The following SETD2 variants were observed in gnomAD, a reference collection of about 807,000 sequenced individuals.
SETD2 encodes the protein SET domain containing 2, histone lysine methyltransferase, also known as histone-lysine N-methyltransferase SETD2.
Under a neutral mutation model 242.1 loss-of-function variants are expected in SETD2, and 31 were observed. The ratio of observed to expected loss-of-function variants is 0.13; its 90% CI spans 0.10 to 0.17. The LOEUF (loss-of-function observed/expected upper bound fraction) is 0.17, where lower values mean the gene tolerates loss of function less well. Among genes scored for constraint, SETD2 ranks in the 10% least tolerant of loss-of-function variants. The pLI is 1.00. For synonymous variants in SETD2, 1,006 were observed against 1,066.5 expected, an observed-to-expected ratio of 0.94 and a Z score of 1.11; for missense variants, 2,481 against 3,046.3, an observed-to-expected ratio of 0.81 and a Z score of 4.37.
intron 1 of SETD2, among the ~76,000 whole-genome samples, chr3:47,159,059 C>A (rs1697404719): frequency 6.6e-6 from 1 of 152,018 alleles, no homozygotes; most frequent in South Asian, 2.1e-4. Context: ...GGGAGAATGG[C>A]TTGAGCCCAG....
Position 47,084,102 on chromosome 3 carries a change from A to T in SETD2, c.5678T>A (p.Ile1893Asn), listed in dbSNP as rs1322385881. 2.5e-6 allele frequency: 4 copies of T among 1,614,162 alleles called. No individual in the cohort carries two copies. Among genetic ancestry groups the T allele is most frequent in the Non-Finnish European group, 3.4e-6 (4 of 1,180,030 alleles). The change falls in exon 12 of 21, where the codon ATC (isoleucine) becomes AAC (asparagine). Residue 1893 changes from isoleucine (I) to asparagine (N), a missense_variant. Ile to Asn is a moderately radical substitution (Grantham distance 149, BLOSUM62 -3). Around this residue, in one of 17 missense-constraint regions of SETD2, gnomAD observed 203 missense variants for 222.4 expected, o/e 0.91. Transcript: ENST00000409792. ...IISENSMDSA[I>N]SDATSELEGK... ...TTCTAGCTCACTGGTTGCATCAGAG[A>T]TTGCACTGTCCATGCTATTTTCACT... is the stretch of plus-strand genomic sequence containing the variant.
At chr3:47,067,152 T>C (rs1178554855) in intron 12 of SETD2, 34 bp from the exon 13 acceptor site, 1 of 1,535,012 alleles carries the variant, frequency 6.5e-7, no homozygotes, top group Non-Finnish European at 9.0e-7. Flanking sequence ...GGGTTATTAG[T>C]GAGGGTGGAA....
Position 47,017,413 on chromosome 3 carries a change from G to C in SETD2, c.7534-159C>G, listed in dbSNP as rs1450870562. On this transcript the variant is annotated intron_variant, in intron 20 of 20. Coordinates refer to ENST00000409792, the MANE Select transcript of SETD2 (RefSeq NM_014159.7). The surrounding 1 kb of genome is among the most constrained non-coding windows in gnomAD (Gnocchi z 4.8). ...AGATGTTGGGGCAGGCTGGTGCTAT[G>C]ATCACCAGAAAGGACAAGCTGAGCT... 6.6e-6 allele frequency among the ~76,000 whole-genome samples: 1 copy of C among 152,006 alleles called. No homozygotes were observed. The highest frequency in any genetic ancestry group is 1.5e-5 in the Non-Finnish European group (1 of 68,014).
Position 47,116,476 on chromosome 3 carries a change from T to C in SETD2, c.4586+147A>G, listed in dbSNP as rs924006898. 8 of 659,650 alleles carry C rather than the reference T, an allele frequency of 1.2e-5. No individual in the cohort carries two copies. The African/African-American group carries it at 1.5e-4, about 12-fold the overall frequency. 40.9% of individuals were successfully genotyped at this position (659,650 alleles called of 1,614,324 possible). On this transcript the variant is annotated intron_variant, in intron 4 of 20. Transcript: ENST00000409792. ...GTTTCCCTATTAATATGTTTTCTACTATACATCAAAGTGTCTACTATACTT... is the reference window on the plus strand; with the variant it reads ...GTTTCCCTATTAATATGTTTTCTACCATACATCAAAGTGTCTACTATACTT...
rs372610050 is a variant in SETD2, at chr3:47,083,874, T to C, written c.5906A>G (p.Lys1969Arg). Residue 1969 changes from lysine to arginine, a missense_variant, in exon 12 of 21, where the codon AAA (lysine) becomes AGA (arginine). Lys to Arg is a conservative substitution (Grantham distance 26). Coordinates refer to ENST00000409792, the MANE Select transcript of SETD2 (RefSeq NM_014159.7). ...EIEPKESNGT[K>R]LEEPINEETP... ...TTCTTCATTAATAGGTTCTTCTAGTTTTGTGCCGTTGCTCTCTTTGGGCTC... is the reference window on the plus strand; with the variant it reads ...TTCTTCATTAATAGGTTCTTCTAGTCTTGTGCCGTTGCTCTCTTTGGGCTC... 1.6e-5 allele frequency: 26 copies of C among 1,614,174 alleles called. No individual in the cohort carries two copies. Among genetic ancestry groups the C allele is most frequent in the Non-Finnish European group, 2.2e-5 (26 of 1,180,016 alleles).
intron 12 of SETD2, among the ~76,000 whole-genome samples, chr3:47,080,382 T>C (rs546827151): frequency 6.6e-6 from 1 of 152,216 alleles, no homozygotes; most frequent in East Asian, 1.9e-4. Context: ...TAAGTGTTTA[T>C]AAGAGAGGCT....
intron 18 of SETD2, among the ~76,000 whole-genome samples, chr3:47,027,800 GT>G (rs1222270721): frequency 1.3e-4 from 19 of 143,316 alleles, no homozygotes; most frequent in East Asian, 2.0e-4. Flanking sequence ...TTTTGTTTTT[GT>G]TTTTTTTTTT....
intron 18 of SETD2, among the ~76,000 whole-genome samples, chr3:47,027,336 C>CAAAAAAAAAA (rs145911577): frequency 4.8e-5 from 5 of 103,756 alleles, no homozygotes; most frequent in Non-Finnish European, 5.2e-5. Context: ...GACTCCATCT[C>CAAAAAAAAAA]AAAAAAAAAA....
intron 14 of SETD2, among the ~76,000 whole-genome samples, 193 bp downstream of exon 14, chr3:47,061,970 T>C (rs143851021): frequency 2.0e-5 from 3 of 152,300 alleles, no homozygotes; most frequent in African/African-American, 7.2e-5. Flanking sequence ...AACCTATTAA[T>C]CTTCACAGCT....
chr3:47,134,306 A>G (rs970242412), intron 1 of SETD2, among the ~76,000 whole-genome samples: 3 of 152,244 alleles, frequency 2.0e-5, no homozygotes, highest in African/African-American at 7.2e-5. Context: ...ACATTTATAC[A>G]TTTAAGCACC....
chr3:47,119,308 T>A (rs1016040490), intron 3 of SETD2: 1 of 152,318 alleles, frequency 6.6e-6, no homozygotes, highest in African/African-American at 2.4e-5. Flanking sequence ...ATAATTTGTT[T>A]CATGTTAGGG....
intron 12 of SETD2, among the ~76,000 whole-genome samples, chr3:47,075,004 G>T (rs1239495639): frequency 1.3e-5 from 2 of 151,966 alleles, no homozygotes; most frequent in East Asian, 3.9e-4. Flanking sequence ...CGTGGTGGCA[G>T]GTGCCTGTAG....
chr3:47,037,234 CTCG>C (rs1235323627), intron 18 of SETD2, among the ~76,000 whole-genome samples: 5 of 149,382 alleles, frequency 3.3e-5, no homozygotes, highest in Non-Finnish European at 5.9e-5. Flanking sequence ...CACCCATTAA[CTCG>C]TCATTTAGCA....
intron 19 of SETD2, 116 bp downstream of exon 19, chr3:47,019,641 ACAC>A: frequency 1.2e-6 from 1 of 823,332 alleles, no homozygotes; most frequent in Admixed American, 2.1e-5. Context: ...CACACAAGGA[ACAC>A]CTTGTGTTCC....
In SETD2 at chr3:47,056,826, C is replaced by A. The variant is rs2040102150; in HGVS notation, c.6958G>T (p.Val2320Leu). The change falls in exon 15 of 21, where the codon GTA becomes TTA. Residue 2320 changes from valine to leucine, a missense_variant. By Grantham distance (32) the Val-to-Leu change is conservative (BLOSUM62 1). Coordinates refer to ENST00000409792, the MANE Select transcript of SETD2 (RefSeq NM_014159.7). ...AAAGTTTCAGAATTAGTTACCTGTA[C>A]AATTGGTGGAGTTGTCTGTGAATAA... ...SPYSQTTPPI[V>L]QSYAQPSLQY... 1 of 1,611,672 alleles carries A rather than the reference C, an allele frequency of 6.2e-7. No individual in the cohort carries two copies. The highest frequency in any genetic ancestry group is 8.5e-7 in the Non-Finnish European group (1 of 1,178,006).
chr3:47,135,250 C>T (rs2043566360), intron 1 of SETD2, among the ~76,000 whole-genome samples: 1 of 152,116 alleles, frequency 6.6e-6, no homozygotes, highest in South Asian at 2.1e-4. Flanking sequence ...TGAAAACACA[C>T]CTTTAGTATT....
intron 15 of SETD2, among the ~76,000 whole-genome samples, chr3:47,048,007 T>C (rs1230646549): frequency 1.3e-5 from 2 of 152,216 alleles, no homozygotes; most frequent in African/African-American, 4.8e-5. Flanking sequence ...CTGTACAGCA[T>C]GTTTCTGTAA....
At chr3:47,127,944 G>A (rs2043382226) in intron 1 of SETD2, among the ~76,000 whole-genome samples, 1 of 152,050 alleles carries the variant, frequency 6.6e-6, no homozygotes, top group Non-Finnish European at 1.5e-5. Context: ...CCAAGATCAT[G>A]CCACTGCACT....
At chr3:47,021,083 A>G (rs1215952514) in intron 18 of SETD2, among the ~76,000 whole-genome samples, 1 of 152,216 alleles carries the variant, frequency 6.6e-6, no homozygotes, top group Non-Finnish European at 1.5e-5. Flanking sequence ...TGCTAATAAT[A>G]TAAGTTAAGT....
Sources: gnomAD v4.1 joint callset for allele counts (sites outside exome capture counted in the v4.1 genomes callset) on GRCh38, gnomAD v4.1.1 for gene constraint, gnomAD v4.1.1 regional missense constraint, Gnocchi (gnomAD v3.1) non-coding constraint, MANE v1.5 for transcripts, NCBI Gene and HGNC (gene_info 2026-07-23, HGNC 2026-07-21) for gene names.